Variants in PDE3B observed in about 807,000 individuals in gnomAD.
PDE3B encodes the protein phosphodiesterase 3B, also known as cGMP-inhibited 3',5'-cyclic phosphodiesterase 3B.
Under a neutral mutation model 116.8 loss-of-function variants are expected in PDE3B, and 66 were observed. The ratio of observed to expected loss-of-function variants is 0.56; its 90% CI spans 0.46 to 0.69. The LOEUF (loss-of-function observed/expected upper bound fraction) is 0.69. PDE3B is among the 30% of genes least tolerant of loss of function. PDE3B has a pLI of 0.00. For synonymous variants in PDE3B, 595 were observed against 533.6 expected, an observed-to-expected ratio of 1.12 and a Z score of -1.59; for missense variants, 1,384 against 1,368.1, an observed-to-expected ratio of 1.01 and a Z score of -0.18.
chr11:14,698,520 A>G (rs1039443046), intron 1 of PDE3B, among the ~76,000 whole-genome samples: 2 of 151,832 alleles, frequency 1.3e-5, no homozygotes, highest in African/African-American at 4.8e-5. Flanking sequence ...TTGCTAAATT[A>G]TCATTTTTAT....
At chr11:14,876,757 C>T (rs565277125), downstream of PDE3B, among the ~76,000 whole-genome samples, 4 of 152,216 alleles carry the variant, frequency 2.6e-5, no homozygotes, top group African/African-American at 9.6e-5. Context: ...TAAGATAAAG[C>T]TGGTATCATC....
intron 5 of PDE3B, among the ~76,000 whole-genome samples, chr11:14,815,373 C>G (rs1162562739): frequency 6.6e-6 from 1 of 152,114 alleles, no homozygotes; most frequent in Non-Finnish European, 1.5e-5. Context: ...ACCTTGTTCT[C>G]ATCTGGAGAA....
the PDE3B span, among the ~76,000 whole-genome samples, chr11:14,894,193 G>T: frequency 6.6e-6 from 1 of 152,110 alleles, no homozygotes; most frequent in African/African-American, 2.4e-5. Context: ...CCTATTAAGA[G>T]ATACCTTAAA....
chr11:14,776,335 G>C (rs1857784271), intron 2 of PDE3B: 2 of 152,220 alleles, frequency 1.3e-5, no homozygotes, highest in South Asian at 4.1e-4. Flanking sequence ...ACAGACACTG[G>C]GTGGCCAGTG....
At chr11:14,891,435 G>A in the PDE3B span, 1 of 985,856 alleles carries the variant, frequency 1.0e-6, no homozygotes, top group Non-Finnish European at 1.2e-6. Flanking sequence ...TCGTTTCCCA[G>A]GGCCCGCTTC....
intron 1 of PDE3B, among the ~76,000 whole-genome samples, chr11:14,712,276 G>T (rs1483499873): frequency 6.6e-6 from 1 of 151,748 alleles, no homozygotes; most frequent in African/African-American, 2.4e-5. Flanking sequence ...GTAGAGACAG[G>T]GTCTTACTAT....
At chr11:14,891,160 C>A in the PDE3B span, 2 of 985,476 alleles carry the variant, frequency 2.0e-6, no homozygotes, top group Non-Finnish European at 2.4e-6. Context: ...CACACACAAG[C>A]GGTGGTCGCC....
chr11:14,782,972 C>T (rs1043124169), intron 2 of PDE3B, among the ~76,000 whole-genome samples: 1 of 152,180 alleles, frequency 6.6e-6, no homozygotes, highest in African/African-American at 2.4e-5. Context: ...AGACACTTCT[C>T]GAAAGAAGAC....
chr11:14,795,172 C>T (rs922645931), intron 4 of PDE3B, among the ~76,000 whole-genome samples: 3 of 152,142 alleles, frequency 2.0e-5, no homozygotes, highest in African/African-American at 7.2e-5. Flanking sequence ...GGGCTGAAAA[C>T]CCCCATCATC....
intron 1 of PDE3B, among the ~76,000 whole-genome samples, chr11:14,747,757 T>C (rs1458288948): frequency 6.6e-6 from 1 of 152,184 alleles, no homozygotes; most frequent in Admixed American, 6.5e-5. Flanking sequence ...ATTTCTTATT[T>C]TTTAACTTCC....
At chr11:14,777,429 A>C (rs750823608) in intron 2 of PDE3B, among the ~76,000 whole-genome samples, 25 of 152,224 alleles carry the variant, frequency 1.6e-4, no homozygotes, top group Non-Finnish European at 2.6e-4. Flanking sequence ...CAACCCCCTC[A>C]AAATCTACTC....
intron 2 of PDE3B, among the ~76,000 whole-genome samples, chr11:14,780,049 A>G (rs1454394567): frequency 6.6e-6 from 1 of 152,184 alleles, no homozygotes; most frequent in Non-Finnish European, 1.5e-5. Flanking sequence ...CTTTAAACCA[A>G]CAAAGATCAG....
intron 4 of PDE3B, among the ~76,000 whole-genome samples, chr11:14,792,786 C>G (rs760280270): frequency 6.6e-6 from 1 of 152,188 alleles, no homozygotes; most frequent in African/African-American, 2.4e-5. Flanking sequence ...AGCAATTTAA[C>G]TGGAATAGAT....
intron 1 of PDE3B, among the ~76,000 whole-genome samples, chr11:14,770,095 G>T (rs1012270389): frequency 6.6e-6 from 1 of 151,292 alleles, no homozygotes; most frequent in Non-Finnish European, 1.5e-5. Context: ...TGGTATTATT[G>T]TGGGAAAAGT....
chr11:14,787,645 C>T (rs1224906362), intron 3 of PDE3B, among the ~76,000 whole-genome samples: 1 of 151,766 alleles, frequency 6.6e-6, no homozygotes, highest in Non-Finnish European at 1.5e-5. Context: ...TTATGTGATA[C>T]TTTTATTTTT....
chr11:14,715,962 T>A (rs1435445696), intron 1 of PDE3B, among the ~76,000 whole-genome samples: 2 of 152,096 alleles, frequency 1.3e-5, no homozygotes, highest in Non-Finnish European at 2.9e-5. Flanking sequence ...GCTCCCAGCG[T>A]GAGCGACGCA....
At chr11:14,653,402 A>C (rs1274584081) in intron 1 of PDE3B, among the ~76,000 whole-genome samples, 1 of 152,122 alleles carries the variant, frequency 6.6e-6, no homozygotes, top group Non-Finnish European at 1.5e-5. Flanking sequence ...CAAGGTAATA[A>C]GGCACTATGA....
At chr11:14,891,738 C>G in the PDE3B span, 4 of 1,331,998 alleles carry the variant, frequency 3.0e-6, no homozygotes, top group South Asian at 1.8e-5. Flanking sequence ...AGGACTGGAT[C>G]GCCTCGGAGC....
At chr11:14,728,949 A>G (rs889101919) in intron 1 of PDE3B, among the ~76,000 whole-genome samples, 1 of 152,152 alleles carries the variant, frequency 6.6e-6, no homozygotes, top group African/African-American at 2.4e-5. Context: ...GAAAGCTTAG[A>G]CAGCTTTTAT....
Sources: gnomAD v4.1 joint callset for allele counts (sites outside exome capture counted in the v4.1 genomes callset) on GRCh38, gnomAD v4.1.1 for gene constraint, MANE v1.5 for transcripts, NCBI Gene and HGNC (gene_info 2026-07-23, HGNC 2026-07-21) for gene names.